The following CDH18 variants were observed in gnomAD, a reference collection of about 807,000 sequenced individuals.
The protein encoded by CDH18 is cadherin-18.
Under a neutral mutation model 67.9 loss-of-function variants are expected in CDH18, and 31 were observed. The ratio of observed to expected loss-of-function variants is 0.46; its 90% CI spans 0.34 to 0.62. CDH18 has a LOEUF of 0.62. CDH18 is among the 20% of genes least tolerant of loss of function. CDH18 has a pLI of 0.01. For missense variants in CDH18, 890 were observed against 975.5 expected, an observed-to-expected ratio of 0.91 and a Z score of 1.17; for synonymous variants, 362 against 347.2, an observed-to-expected ratio of 1.04 and a Z score of -0.48.
At chr5:20,404,322 G>GCATC (rs1235852440) in intron 1 of CDH18, among the ~76,000 whole-genome samples, 1 of 152,050 alleles carries the variant, frequency 6.6e-6, no homozygotes, top group East Asian at 1.9e-4. Flanking sequence ...CTTTTGCTTT[G>GCATC]CATCCACAAC....
At chr5:19,757,188 C>T (rs1449737901) in intron 3 of CDH18, among the ~76,000 whole-genome samples, 1 of 152,202 alleles carries the variant, frequency 6.6e-6, no homozygotes, top group Non-Finnish European at 1.5e-5. Flanking sequence ...TAAGGCATTC[C>T]ATGAGTCCAT....
intron 2 of CDH18, among the ~76,000 whole-genome samples, chr5:20,043,987 G>T (rs1740681367): frequency 6.6e-6 from 1 of 152,140 alleles, no homozygotes; most frequent in African/African-American, 2.4e-5. Flanking sequence ...CTCCTTCAAT[G>T]ATGGCAAATT....
In CDH18 at chr5:19,881,337, A is replaced by AT. The variant is rs200356347; in HGVS notation, c.-256-42096dup. ...CTCTGTTGAGTTACATAATAAATAG[A>AT]TTTTTTTTGTCAAGACAAATGCAAA... On this transcript the variant is annotated intron_variant, in intron 2 of 12. Transcript: ENST00000382275. Among the ~76,000 whole-genome samples, 1,401 of 151,946 alleles carry AT rather than the reference A, an allele frequency of 9.2e-3. 19 individuals carry two copies. Among genetic ancestry groups the AT allele is most frequent in the Non-Finnish European group, 0.012 (807 of 67,946 alleles).
Position 20,550,625 on chromosome 5 carries a change from C to A in CDH18, c.-580+24837G>T, listed in dbSNP as rs563541592. Among the ~76,000 whole-genome samples, 212 of 152,238 alleles carry A rather than the reference C, an allele frequency of 1.4e-3. 1 individual carries two copies. The highest frequency in any genetic ancestry group is 2.4e-3 in the Non-Finnish European group (166 of 68,014). ...CAAAGAATATGTCATCATAAATACT[C>A]CTAGTTAGAGCCCTAATAAGAAACA... On this transcript the variant is annotated intron_variant, in intron 1 of 14. Transcript: ENST00000507958.
intron 2 of CDH18, among the ~76,000 whole-genome samples, chr5:20,240,178 A>C (rs1742789113): frequency 6.6e-6 from 1 of 152,060 alleles, no homozygotes; most frequent in African/African-American, 2.4e-5. Flanking sequence ...AAAAAGAATA[A>C]TATGATTACT....
chr5:20,192,388 C>A (rs1178150945), intron 2 of CDH18, among the ~76,000 whole-genome samples: 3 of 152,056 alleles, frequency 2.0e-5, no homozygotes, highest in Non-Finnish European at 2.9e-5. Context: ...GCTTTTGTTG[C>A]AATTGCTTTT....
At chr5:20,427,721 T>C (rs984186347) in intron 1 of CDH18, among the ~76,000 whole-genome samples, 1 of 151,102 alleles carries the variant, frequency 6.6e-6, no homozygotes, top group Non-Finnish European at 1.5e-5. Flanking sequence ...TTCCACTGAC[T>C]TTATAAGTGA....
At chr5:20,566,331 T>C (rs1758500946) in intron 1 of CDH18, among the ~76,000 whole-genome samples, 1 of 151,766 alleles carries the variant, frequency 6.6e-6, no homozygotes, top group Non-Finnish European at 1.5e-5. Context: ...CTTAAAAGCT[T>C]TCTGATTCTC....
Position 19,809,633 on chromosome 5 carries a change from T to G in CDH18, c.228+29126A>C, listed in dbSNP as rs148875127. 4.3e-3 allele frequency among the ~76,000 whole-genome samples: 660 copies of G among 152,310 alleles called. 4 individuals carry two copies. The highest frequency in any genetic ancestry group is 0.015 in the African/African-American group (640 of 41,572). Reference sequence around the variant, plus strand: ...AAAGTTTCATATGAGAAATTGAAACTCAAACCTACAGCCCAGATAAAAGGA... The same window carrying G: ...AAAGTTTCATATGAGAAATTGAAACGCAAACCTACAGCCCAGATAAAAGGA... On this transcript the variant is annotated intron_variant, in intron 3 of 12. Coordinates refer to ENST00000382275, the MANE Select transcript of CDH18 (RefSeq NM_004934.5).
chr5:20,318,862 A>G (rs1260307753), intron 1 of CDH18, among the ~76,000 whole-genome samples: 1 of 152,112 alleles, frequency 6.6e-6, no homozygotes, highest in African/African-American at 2.4e-5. Flanking sequence ...AAATTACCCC[A>G]TCTCAGTTAT....
chr5:20,453,968 C>A (rs1561018283), intron 1 of CDH18, among the ~76,000 whole-genome samples: 1 of 151,960 alleles, frequency 6.6e-6, no homozygotes, highest in Non-Finnish European at 1.5e-5. Context: ...ATGAATGAGG[C>A]AAATAAGTCA....
chr5:20,413,389 T>C (rs1374396007), intron 1 of CDH18, among the ~76,000 whole-genome samples: 1 of 152,340 alleles, frequency 6.6e-6, no homozygotes, highest in South Asian at 2.1e-4. Flanking sequence ...ATTACCACAC[T>C]GTCTTCCACA....
At chr5:20,362,131 A>G (rs1742138754) in intron 1 of CDH18, among the ~76,000 whole-genome samples, 1 of 152,168 alleles carries the variant, frequency 6.6e-6, no homozygotes, top group African/African-American at 2.4e-5. Context: ...GTCAGGCAGG[A>G]ATCATAAACA....
At chr5:20,110,891 A>C (rs986823059) in intron 2 of CDH18, among the ~76,000 whole-genome samples, 1 of 152,234 alleles carries the variant, frequency 6.6e-6, no homozygotes, top group African/African-American at 2.4e-5. Flanking sequence ...GTTTAAAAAA[A>C]TTAACTTCCT....
At chr5:19,692,318 C>G (rs1017588214) in intron 5 of CDH18, among the ~76,000 whole-genome samples, 6 of 152,078 alleles carry the variant, frequency 3.9e-5, no homozygotes, top group Admixed American at 2.0e-4. Flanking sequence ...GGACATTGGC[C>G]TAGGCCAAAA....
At chr5:19,484,998 T>C (rs1268044455) in intron 11 of CDH18, among the ~76,000 whole-genome samples, 1 of 149,586 alleles carries the variant, frequency 6.7e-6, no homozygotes, top group African/African-American at 2.5e-5. Flanking sequence ...TTGTATTTTA[T>C]GTAGGTATGT....
chr5:20,148,155 G>T (rs961035112), intron 2 of CDH18, among the ~76,000 whole-genome samples: 1 of 150,934 alleles, frequency 6.6e-6, no homozygotes, highest in African/African-American at 2.4e-5. Context: ...GTAGCGGTGC[G>T]ATCTTGGCTC....
chr5:19,698,771 A>G (rs1333043674), intron 5 of CDH18, among the ~76,000 whole-genome samples: 1 of 152,110 alleles, frequency 6.6e-6, no homozygotes, highest in African/African-American at 2.4e-5. Flanking sequence ...AGAAAGAGAT[A>G]TTCAATATTT....
intron 2 of CDH18, among the ~76,000 whole-genome samples, chr5:19,863,631 A>G (rs1785139729): frequency 6.6e-6 from 1 of 152,138 alleles, no homozygotes; most frequent in Non-Finnish European, 1.5e-5. Context: ...AACTGCAATA[A>G]TAGAACATGA....
Sources: gnomAD v4.1 joint callset for allele counts (sites outside exome capture counted in the v4.1 genomes callset) on GRCh38, gnomAD v4.1.1 for gene constraint, MANE v1.5 for transcripts, NCBI Gene and HGNC (gene_info 2026-07-23, HGNC 2026-07-21) for gene names.